The following RPF1 variants were observed in gnomAD, a reference collection of about 807,000 sequenced individuals.
RPF1 encodes the protein ribosome production factor 1 homolog, also known as ribosome production factor 1.
Under a neutral mutation model 41.9 loss-of-function variants are expected in RPF1, and 34 were observed. The observed-to-expected ratio is 0.81, with a 90% CI of 0.62 to 1.08. RPF1 has a LOEUF of 1.08. RPF1 is among the 50% of genes least tolerant of loss of function. RPF1 has a pLI of 0.00. For synonymous variants in RPF1, 140 were observed against 148.9 expected, an observed-to-expected ratio of 0.94 and a Z score of 0.43; for missense variants, 425 against 435.2, an observed-to-expected ratio of 0.98 and a Z score of 0.21.
chr1:84,485,325 C>G lies in RPF1; in HGVS notation c.366+2330C>G, dbSNP rs571872308. Among the ~76,000 whole-genome samples, 4 of 152,288 alleles carry G rather than the reference C, an allele frequency of 2.6e-5. No individual in the cohort carries two copies. In the East Asian group the frequency reaches 7.7e-4, roughly 29 times the overall value. ...TGTTGCCCAGGCTGGTCTTGAACCC[C>G]TGAGCTCAGGCGATCCTCCCACCTT... On this transcript the variant is annotated intron_variant, in intron 3 of 8. Coordinates refer to ENST00000370654, the MANE Select transcript of RPF1 (RefSeq NM_025065.7).
At chr1:84,487,318 C>G (rs1454710599) in intron 3 of RPF1, among the ~76,000 whole-genome samples, 3 of 152,174 alleles carry the variant, frequency 2.0e-5, no homozygotes, top group Non-Finnish European at 4.4e-5. Flanking sequence ...ATGGTATGTT[C>G]AGACTAATGA....
At chr1:84,479,616 T>G in intron 1 of RPF1, 107 bp downstream of exon 1, 1 of 1,060,822 alleles carries the variant, frequency 9.4e-7, no homozygotes, top group Non-Finnish European at 1.4e-6. Flanking sequence ...AAGTGTTCTC[T>G]GTGGCTCCGT....
intron 2 of RPF1, among the ~76,000 whole-genome samples, 190 bp from the exon 3 acceptor site, chr1:84,482,725 C>T (rs1292187142): frequency 4.9e-5 from 7 of 142,414 alleles, no homozygotes; most frequent in Non-Finnish European, 9.0e-5. Flanking sequence ...TGTCTCTGCC[C>T]AGATTGTTTA....
At chr1:84,482,135 A>G (rs1368001770) in intron 2 of RPF1, among the ~76,000 whole-genome samples, 1 of 152,176 alleles carries the variant, frequency 6.6e-6, no homozygotes, top group African/African-American at 2.4e-5. Context: ...AAAATGTAAT[A>G]TTTGTTTCAT....
chr1:84,495,644 A>C (rs180854856), intron 6 of RPF1, among the ~76,000 whole-genome samples, 189 bp downstream of exon 6: 92 of 152,300 alleles, frequency 6.0e-4, no homozygotes, highest in Non-Finnish European at 8.2e-4. Flanking sequence ...AATAGTCTTC[A>C]TTACTATGAA....
intron 8 of RPF1, 24 bp from the exon 9 acceptor site, chr1:84,497,405 C>T (rs1255964262): frequency 1.9e-6 from 3 of 1,600,610 alleles, no homozygotes; most frequent in Non-Finnish European, 2.6e-6. Context: ...TTTCTTCCTC[C>T]ACTCCCTTGC....
chr1:84,490,405 T>G lies in RPF1; in HGVS notation c.549T>G (p.Ile183Met). 6.2e-7 allele frequency: 1 copy of G among 1,612,328 alleles called. No homozygotes were observed. The highest frequency in any genetic ancestry group is 1.3e-5 in the African/African-American group (1 of 74,924). ...GAAGAGGACTGGCTCTGAAAAAAAT[T>G]ATTCCACAGTGCATCGCAAGAGATT... ...YYRRGLALKK[I>M]IPQCIARDFT... The change falls in exon 5 of 9, where the codon ATT (isoleucine) becomes ATG (methionine). Residue 183 changes from isoleucine (I) to methionine (M), a missense_variant. Ile to Met is a conservative substitution (Grantham distance 10, BLOSUM62 1). Transcript: ENST00000370654.
intron 2 of RPF1, among the ~76,000 whole-genome samples, chr1:84,481,637 G>A (rs746237646): frequency 4.6e-5 from 7 of 152,100 alleles, no homozygotes; most frequent in African/African-American, 9.7e-5. Context: ...GAAAGAATTT[G>A]GCTGTATTTG....
intron 2 of RPF1, 55 bp downstream of exon 2, chr1:84,481,067 G>A: frequency 1.1e-6 from 1 of 897,818 alleles, no homozygotes; most frequent in Non-Finnish European, 1.8e-6. Context: ...AATCCCTCCT[G>A]ATATTTAAGT....
At chr1:84,483,465 C>G (rs1217829320) in intron 3 of RPF1, 2 of 154,632 alleles carry the variant, frequency 1.3e-5, no homozygotes, top group East Asian at 3.8e-4. Context: ...TGGGGTTTCA[C>G]CACGTTGGCC....
intron 3 of RPF1, 91 bp from the exon 4 acceptor site, chr1:84,489,540 CAG>C (rs1488576448): frequency 2.8e-6 from 2 of 711,378 alleles, no homozygotes; most frequent in Non-Finnish European, 5.1e-6. Flanking sequence ...GCTAGATACT[CAG>C]TGTCCAACAG....
At position 84,496,092 on chromosome 1, in the gene RPF1, ATT is replaced by A. The variant is rs760054903; in HGVS notation, c.881+31_881+32del. On this transcript the variant is annotated intron_variant, in intron 7 of 8. Transcript: ENST00000370654. Reference sequence around the variant, plus strand: ...AGGAAGGTAAACTCATTGAACTTTGATTTCAATTATGAAATATATTTTCAACA... The same window carrying A: ...AGGAAGGTAAACTCATTGAACTTTGATCAATTATGAAATATATTTTCAACA... 4.6e-6 allele frequency: 7 copies of A among 1,533,794 alleles called. No individual in the cohort carries two copies. In the Admixed American group the frequency reaches 1.3e-4, roughly 30 times the overall value.
chr1:84,487,396 A>G (rs1240862350), intron 3 of RPF1, among the ~76,000 whole-genome samples: 2 of 152,186 alleles, frequency 1.3e-5, no homozygotes, highest in Non-Finnish European at 2.9e-5. Flanking sequence ...ATCATTTAAT[A>G]TAAGTTGTTT....
intron 5 of RPF1, among the ~76,000 whole-genome samples, chr1:84,491,097 C>A (rs12136756): frequency 6.6e-6 from 1 of 152,000 alleles, no homozygotes; most frequent in African/African-American, 2.4e-5. Context: ...GTGTGTGTTC[C>A]AGTCTAAAAC....
intron 3 of RPF1, among the ~76,000 whole-genome samples, chr1:84,489,177 T>C (rs1192440046): frequency 6.6e-6 from 1 of 152,208 alleles, no homozygotes; most frequent in Non-Finnish European, 1.5e-5. Flanking sequence ...TCTTTCAGAC[T>C]ACCACTTTTG....
chr1:84,483,054 T>G (rs1362522564), intron 3 of RPF1, 59 bp downstream of exon 3: 3 of 1,138,928 alleles, frequency 2.6e-6, no homozygotes, highest in Non-Finnish European at 4.0e-6. Context: ...AAATTATATG[T>G]TTTTTTGTTG....
rs1236021607 is a variant in RPF1, at chr1:84,497,741, A to C, written c.*271A>C. 1 of 327,938 alleles carries C rather than the reference A, an allele frequency of 3.0e-6. No homozygotes were observed. The highest frequency in any genetic ancestry group is 4.9e-5 in the Admixed American group (1 of 20,286). 20.3% of individuals were successfully genotyped at this position (327,938 alleles called of 1,614,324 possible). On this transcript the variant is annotated 3_prime_UTR_variant, in exon 9 of 9. Coordinates refer to ENST00000370654, the MANE Select transcript of RPF1 (RefSeq NM_025065.7). The stretch of plus-strand genomic sequence containing the variant: ...TTAAGTTGGAATCAAGATTCAGATT[A>C]ACTTTCCTATTTGCATAGAACACAT...
intron 5 of RPF1, among the ~76,000 whole-genome samples, chr1:84,495,067 A>G (rs555273023): frequency 5.3e-5 from 8 of 151,124 alleles, no homozygotes; most frequent in Non-Finnish European, 8.9e-5. Context: ...GTAGTGGTCA[A>G]TTAAATAGCT....
Position 84,480,928 on chromosome 1 carries a change from ATTG to A in RPF1, c.229-25_229-23del, listed in dbSNP as rs762317167. The A allele has an allele frequency of 1.5e-4, 188 of 1,255,480 alleles. No homozygotes were observed. The African/African-American group carries it at 2.6e-3, about 17-fold the overall frequency. 77.8% of individuals were successfully genotyped at this position (1,255,480 alleles called of 1,614,324 possible). On this transcript the variant is annotated intron_variant, in intron 1 of 8. Transcript: ENST00000370654. ...GTGATATAACTGGTTGTTTCTCAGTATTGTTCTCTTTTTTTTTAACCCTTTAGG... is the reference window on the plus strand; with the variant it reads ...GTGATATAACTGGTTGTTTCTCAGTATTCTCTTTTTTTTTAACCCTTTAGG...
Sources: gnomAD v4.1 joint callset for allele counts (sites outside exome capture counted in the v4.1 genomes callset) on GRCh38, gnomAD v4.1.1 for gene constraint, MANE v1.5 for transcripts, NCBI Gene and HGNC (gene_info 2026-07-23, HGNC 2026-07-21) for gene names.